Variants in HMGN5 observed in about 807,000 individuals in gnomAD.
HMGN5 encodes high mobility group nucleosome binding domain 5.
In HMGN5, 4 loss-of-function variants were observed where a neutral mutation model predicts 9.5. The ratio of observed to expected loss-of-function variants is 0.42; its 90% CI spans 0.21 to 0.96. The LOEUF is 0.96. Ranked by LOEUF, HMGN5 falls within the 40% of genes least tolerant of loss-of-function variation. The pLI is 0.30. For missense variants in HMGN5, 192 were observed against 187.5 expected, an observed-to-expected ratio of 1.02 and a Z score of -0.14; for synonymous variants, 55 against 57.1, an observed-to-expected ratio of 0.96 and a Z score of 0.16.
At chrX:81,171,827 C>T (rs1354210398) in intron 1 of HMGN5, among the ~76,000 whole-genome samples, 1 of 111,019 alleles carries the variant, frequency 9.0e-6, no homozygotes, top group African/African-American at 3.3e-5. Flanking sequence ...GGTCATTGTA[C>T]ATATTGTACC....
chrX:81,165,644 G>C (rs771738082), intron 1 of HMGN5, among the ~76,000 whole-genome samples: 2 of 111,412 alleles, frequency 1.8e-5, no homozygotes, highest in South Asian at 7.5e-4. Flanking sequence ...CTGAGAAGTT[G>C]AATGAAAGCT....
Position 81,114,667 on chromosome X carries a change from C to A in HMGN5, c.831G>T (p.Glu277Asp), listed in dbSNP as rs2075247380. The change falls in exon 7 of 7, where the codon GAG becomes GAT. Residue 277 changes from glutamate to aspartate, a missense_variant. Coordinates refer to ENST00000358130, the MANE Select transcript of HMGN5 (RefSeq NM_030763.3). ...EIKEDDGKKE[E>D]PQSIV is the part of the protein sequence containing the mutation. ...GGCAGTTTTAAACAATACTCTGTGG[C>A]TCCTCTTTTTTTCCATCATCTTCTT... 1.8e-6 allele frequency: 2 copies of A among 1,139,435 alleles called. No homozygotes were observed. The highest frequency in any genetic ancestry group is 2.3e-6 in the Non-Finnish European group (2 of 863,171). The allele number at this position is 1,139,435 out of a possible 1,213,427, so 93.9% of individuals were successfully genotyped here. A position where few individuals can be genotyped will look rare whatever the true frequency, so the allele number is the denominator to read the frequency against.
chrX:81,138,798 G>A lies in HMGN5; in HGVS notation c.-123-17126C>T, dbSNP rs187561126. ...TGTGTTCAGTAAGTTTGGAAGATAC[G>A]AAATCAACATACAAAAGTTAATTTC... On this transcript the variant is annotated intron_variant, in intron 1 of 6. Coordinates refer to ENST00000358130, the MANE Select transcript of HMGN5 (RefSeq NM_030763.3). 3.4e-3 allele frequency among the ~76,000 whole-genome samples: 377 copies of A among 111,690 alleles called. 3 individuals carry two copies. Among genetic ancestry groups the A allele is most frequent in the African/African-American group, 0.011 (351 of 30,842 alleles).
chrX:81,144,929 GC>G (rs1457697435), intron 1 of HMGN5, among the ~76,000 whole-genome samples: 3 of 111,338 alleles, frequency 2.7e-5, no homozygotes, highest in African/African-American at 9.8e-5. Flanking sequence ...ATGAAATAAA[GC>G]AAAAAGACAA....
intron 1 of HMGN5, among the ~76,000 whole-genome samples, chrX:81,155,102 T>TATATATATATATAC (rs1407923805): frequency 5.2e-4 from 47 of 91,039 alleles, no homozygotes; most frequent in African/African-American, 1.9e-3. Context: ...TATATATATA[T>TATATATATATATAC]ACACACACAC....
intron 1 of HMGN5, among the ~76,000 whole-genome samples, chrX:81,176,970 A>C (rs148137412): frequency 1.8e-5 from 2 of 110,373 alleles, no homozygotes; most frequent in Non-Finnish European, 3.8e-5. Context: ...CGAGAAGAGT[A>C]AGAGCAAGAC....
At chrX:81,122,505 A>C (rs1397106072) in intron 1 of HMGN5, among the ~76,000 whole-genome samples, 1 of 111,976 alleles carries the variant, frequency 8.9e-6, no homozygotes, top group Non-Finnish European at 1.9e-5. Flanking sequence ...ACAAAATTTA[A>C]GCTTGTGACA....
At chrX:81,140,559 CAAAAAAAAAAAAAA>C in intron 1 of HMGN5, among the ~76,000 whole-genome samples, 1 of 33,627 alleles carries the variant, frequency 3.0e-5, no homozygotes, top group Non-Finnish European at 4.8e-5. Flanking sequence ...GACTCTGTCT[CAAAAAAAAAAAAAA>C]AAAAAAAAAA....
chrX:81,120,741 C>T (rs2075266218), intron 2 of HMGN5, among the ~76,000 whole-genome samples: 1 of 111,494 alleles, frequency 9.0e-6, no homozygotes, highest in Admixed American at 9.5e-5. Context: ...GAACTTGTTT[C>T]CTGTCTGCGA....
intron 1 of HMGN5, among the ~76,000 whole-genome samples, chrX:81,198,849 T>TTATG (rs1176907852): frequency 8.9e-6 from 1 of 111,803 alleles, no homozygotes; most frequent in African/African-American, 3.3e-5. Context: ...ACCAATCCTA[T>TTATG]TTAACATAGT....
chrX:81,144,590 C>G (rs1214893991), intron 1 of HMGN5, among the ~76,000 whole-genome samples: 2 of 111,559 alleles, frequency 1.8e-5, no homozygotes, highest in African/African-American at 3.3e-5. Flanking sequence ...GAACACCTCT[C>G]CTCCTCCAAA....
chrX:81,169,924 C>T lies in HMGN5; in HGVS notation c.-124+31813G>A, dbSNP rs774704007. On this transcript the variant is annotated intron_variant, in intron 1 of 6. Coordinates refer to ENST00000358130, the MANE Select transcript of HMGN5 (RefSeq NM_030763.3). ...CAAAAATTAGCGAGGCATGGTGGTG[C>T]GCTCCTGTAGTCCTAGCTACTCGAG... 4.1e-4 allele frequency among the ~76,000 whole-genome samples: 44 copies of T among 108,124 alleles called. 1 individual carries two copies. Among genetic ancestry groups the T allele is most frequent in the Admixed American group, 8.0e-4 (8 of 9,958 alleles). The allele number at this position is 108,124 out of a possible 115,157, so 93.9% of individuals were successfully genotyped here. A position where few individuals can be genotyped will look rare whatever the true frequency, so the allele number is the denominator to read the frequency against.
chrX:81,155,004 C>G (rs866103458), intron 1 of HMGN5, among the ~76,000 whole-genome samples: 19 of 101,833 alleles, frequency 1.9e-4, no homozygotes, highest in Middle Eastern at 5.1e-3. Context: ...AAAAATAGAG[C>G]TACTAAAAGT....
intron 1 of HMGN5, among the ~76,000 whole-genome samples, chrX:81,145,648 A>C (rs1208189361): frequency 8.9e-6 from 1 of 111,941 alleles, no homozygotes; most frequent in Non-Finnish European, 1.9e-5. Context: ...TTGACACATA[A>C]CAATATTAAC....
intron 1 of HMGN5, among the ~76,000 whole-genome samples, chrX:81,182,034 T>C (rs773573083): frequency 5.4e-5 from 6 of 111,841 alleles, no homozygotes; most frequent in Non-Finnish European, 9.4e-5. Context: ...CTGTTCTTTA[T>C]AGTGGTTGTA....
At chrX:81,170,824 A>T (rs147514460) in intron 1 of HMGN5, among the ~76,000 whole-genome samples, 1 of 110,936 alleles carries the variant, frequency 9.0e-6, no homozygotes, top group Admixed American at 9.6e-5. Context: ...CTTCCTTTAA[A>T]CTATCTCACT....
intron 1 of HMGN5, among the ~76,000 whole-genome samples, chrX:81,181,036 C>G (rs1880041473): frequency 9.1e-6 from 1 of 109,759 alleles, no homozygotes; most frequent in Non-Finnish European, 1.9e-5. Flanking sequence ...ACATCACACA[C>G]AGGGGCCTGT....
At chrX:81,117,587 TA>T (rs1179061101) in intron 5 of HMGN5, among the ~76,000 whole-genome samples, 4 of 111,193 alleles carry the variant, frequency 3.6e-5, no homozygotes, top group Non-Finnish European at 1.9e-5. Context: ...TTTACTGTTT[TA>T]AAAACTAGTA....
chrX:81,130,364 G>T (rs2075295226), intron 1 of HMGN5, among the ~76,000 whole-genome samples: 1 of 111,233 alleles, frequency 9.0e-6, no homozygotes, highest in Non-Finnish European at 1.9e-5. Context: ...ACTTTGTTAG[G>T]CTTCATATGA....
Sources: allele counts gnomAD v4.1 joint callset (sites outside exome capture counted in the v4.1 genomes callset), GRCh38; gene constraint gnomAD v4.1.1; transcripts MANE v1.5; gene names NCBI Gene and HGNC (gene_info 2026-07-23, HGNC 2026-07-21).